ADAM23: variants seen among roughly 807,000 people sequenced by gnomAD.
ADAM23 encodes the protein ADAM metallopeptidase domain 23.
In ADAM23, 33 loss-of-function variants were observed where a neutral mutation model predicts 120.1. That is an observed-to-expected ratio of 0.27 (90% CI 0.21 to 0.37). The LOEUF is 0.37. Ranked by LOEUF, ADAM23 falls within the 10% of genes least tolerant of loss-of-function variation. The probability of loss-of-function intolerance (pLI) is 1.00; values close to 1 mark genes in which losing one functional copy is unlikely to be tolerated. For synonymous variants in ADAM23, 367 were observed against 375.2 expected (o/e 0.98, Z 0.25); for missense variants, 862 against 1,058.2 (o/e 0.81, Z 2.57).
At chr2:206,447,953 C>CT (rs1234973939) in intron 2 of ADAM23, among the ~76,000 whole-genome samples, 4 of 152,172 alleles carry the variant, frequency 2.6e-5, no homozygotes, top group African/African-American at 9.7e-5. Flanking sequence ...GTTGATCAAT[C>CT]TTTATTACTT....
At chr2:206,548,252 A>G (rs770809260) in intron 7 of ADAM23, 29 bp from the exon 8 acceptor site, 8 of 1,597,584 alleles carry the variant, frequency 5.0e-6, no homozygotes, top group Non-Finnish European at 6.9e-6. Flanking sequence ...TAAGCATAAA[A>G]TTTTGATACT....
intron 23 of ADAM23, among the ~76,000 whole-genome samples, chr2:206,595,790 G>T (rs1559282007): frequency 6.7e-6 from 1 of 149,978 alleles, no homozygotes; most frequent in African/African-American, 2.4e-5. Flanking sequence ...TTCAATTTAA[G>T]AATAATAATA....
intron 14 of ADAM23, among the ~76,000 whole-genome samples, chr2:206,566,656 T>C (rs984167130): frequency 6.6e-6 from 1 of 152,192 alleles, no homozygotes; most frequent in African/African-American, 2.4e-5. Flanking sequence ...AATTCTATTG[T>C]CACTGTGCAT....
chr2:206,472,214 A>G (rs1695673779), intron 2 of ADAM23, among the ~76,000 whole-genome samples: 1 of 152,198 alleles, frequency 6.6e-6, no homozygotes. Flanking sequence ...GAAGAATTTT[A>G]AAAAGAAATA....
intron 3 of ADAM23, among the ~76,000 whole-genome samples, chr2:206,489,002 T>A (rs749538079): frequency 6.6e-6 from 1 of 152,228 alleles, no homozygotes; most frequent in Non-Finnish European, 1.5e-5. Context: ...ATATTCAGCT[T>A]TATTTGGCTA....
At chr2:206,558,690 C>T (rs189666576) in intron 10 of ADAM23, among the ~76,000 whole-genome samples, 4 of 152,310 alleles carry the variant, frequency 2.6e-5, no homozygotes, top group African/African-American at 7.2e-5. Flanking sequence ...AAGCTGTTTA[C>T]TTGGTAGCAT....
At position 206,443,938 on chromosome 2, in the gene ADAM23, C is replaced by T. The variant is rs2105843244; in HGVS notation, c.72C>T (p.Gly24=). 1 of 1,246,518 alleles carries T rather than the reference C, an allele frequency of 8.0e-7. No homozygotes were observed. Among genetic ancestry groups the T allele is most frequent in the Non-Finnish European group, 1.0e-6 (1 of 999,884 alleles). 77.2% of individuals were successfully genotyped at this position (1,246,518 alleles called of 1,614,324 possible). A position where few individuals can be genotyped will look rare whatever the true frequency, so the allele number is the denominator to read the frequency against. Residue 24 remains glycine, a synonymous_variant, in exon 1 of 26, where the codon GGC becomes GGT. Transcript: ENST00000264377. ...AGCSLAGASC[G]PQRGPAGSVP... is the part of the protein sequence containing the mutation. ...GCAGCCTTGCCGGCGCTTCCTGCGG[C>T]CCCCAACGCGGCCCCGCCGGCTCGG...
At chr2:206,611,448 C>T (rs898941042) in intron 25 of ADAM23, among the ~76,000 whole-genome samples, 1 of 151,582 alleles carries the variant, frequency 6.6e-6, no homozygotes, top group Non-Finnish European at 1.5e-5. Flanking sequence ...TCTTAGTGTT[C>T]CACTGCTACA....
chr2:206,552,635 T>C (rs1697554098), intron 9 of ADAM23, among the ~76,000 whole-genome samples: 1 of 152,156 alleles, frequency 6.6e-6, no homozygotes, highest in Admixed American at 6.5e-5. Context: ...TAATAATTCA[T>C]TTTATTATTG....
chr2:206,563,268 C>A (rs1429567059), intron 13 of ADAM23, among the ~76,000 whole-genome samples: 1 of 152,122 alleles, frequency 6.6e-6, no homozygotes, highest in Non-Finnish European at 1.5e-5. Context: ...CCACCCCAAC[C>A]TCCCTAGAGA....
intron 9 of ADAM23, among the ~76,000 whole-genome samples, chr2:206,552,666 A>G (rs1697555318): frequency 6.6e-6 from 1 of 151,850 alleles, no homozygotes; most frequent in Admixed American, 6.6e-5. Flanking sequence ...TATTATTATT[A>G]TTGTTATTAT....
intron 3 of ADAM23, among the ~76,000 whole-genome samples, chr2:206,515,624 G>A (rs760289916): frequency 2.6e-4 from 40 of 152,158 alleles, no homozygotes; most frequent in Middle Eastern, 3.4e-3. Context: ...CTATTATTTC[G>A]TGAAATTTTT....
In ADAM23 at chr2:206,619,843, C is replaced by G. The variant is rs1456063056; in HGVS notation, c.*2216C>G. 1 of 152,218 alleles carries G rather than the reference C, an allele frequency of 6.6e-6. No homozygotes were observed. The highest frequency in any genetic ancestry group is 2.4e-5 in the African/African-American group (1 of 41,446). 9.4% of individuals were successfully genotyped at this position (152,218 alleles called of 1,614,324 possible). A position where few individuals can be genotyped will look rare whatever the true frequency, so the allele number is the denominator to read the frequency against. ...TGCTACGCAGGTAGGCGGGCTTTCT[C>G]TAGGACTAGGTGTACGTTTATTTTG... is the stretch of plus-strand genomic sequence containing the variant. On this transcript the variant is annotated 3_prime_UTR_variant, in exon 26 of 26. Transcript: ENST00000264377.
chr2:206,614,176 GTC>G (rs1467395215), intron 25 of ADAM23, among the ~76,000 whole-genome samples: 2 of 152,192 alleles, frequency 1.3e-5, no homozygotes, highest in African/African-American at 2.4e-5. Flanking sequence ...ATATTAATAA[GTC>G]TGTGTAATTA....
At chr2:206,500,506 A>G (rs1696365438) in intron 3 of ADAM23, among the ~76,000 whole-genome samples, 1 of 152,182 alleles carries the variant, frequency 6.6e-6, no homozygotes, top group Admixed American at 6.6e-5. Context: ...TCAGCGGTGA[A>G]TGATACAGGG....
At position 206,521,395 on chromosome 2, in the gene ADAM23, T is replaced by C. The variant is rs1179211131; in HGVS notation, c.510-9490T>C. Among the ~76,000 whole-genome samples the C allele has an allele frequency of 2.0e-5, 3 of 152,146 alleles. No homozygotes were observed. The East Asian group carries it at 5.8e-4, about 29-fold the overall frequency. ...TGGTGTTTCCTGGACTCGAAATTAG[T>C]CCTTAATTAAATAATTCCTTTATTA... On this transcript the variant is annotated intron_variant, in intron 3 of 25. Coordinates refer to ENST00000264377, the MANE Select transcript of ADAM23 (RefSeq NM_003812.4).
chr2:206,591,684 A>C (rs1698429397), intron 21 of ADAM23, among the ~76,000 whole-genome samples: 1 of 152,202 alleles, frequency 6.6e-6, no homozygotes, highest in Non-Finnish European at 1.5e-5. Context: ...AAATTTGCTA[A>C]GTCATAGGGG....
At chr2:206,456,009 T>A (rs918206758) in intron 2 of ADAM23, among the ~76,000 whole-genome samples, 13 of 152,206 alleles carry the variant, frequency 8.5e-5, no homozygotes, top group African/African-American at 3.1e-4. Context: ...CGCTTCCACA[T>A]TTTCCGGTTT....
At chr2:206,610,046 C>G in intron 25 of ADAM23, 46 bp downstream of exon 25, 2 of 1,463,746 alleles carry the variant, frequency 1.4e-6, no homozygotes, top group East Asian at 2.7e-5. Context: ...TGGCATTTCT[C>G]TTTTCTGCTT....
Sources: gnomAD v4.1 joint callset for allele counts (sites outside exome capture counted in the v4.1 genomes callset) on GRCh38, gnomAD v4.1.1 for gene constraint, MANE v1.5 for transcripts, NCBI Gene and HGNC (gene_info 2026-07-23, HGNC 2026-07-21) for gene names.